Variants in ELP4 observed in about 807,000 individuals in gnomAD.
ELP4 encodes elongator acetyltransferase complex subunit 4, also known as elongator complex protein 4.
In ELP4, 51 loss-of-function variants were observed where a neutral mutation model predicts 48.9. The ratio of observed to expected loss-of-function variants is 1.04; its 90% CI spans 0.83 to 1.32. The LOEUF is 1.32. Among genes scored for constraint, ELP4 ranks in the 40% most tolerant of loss-of-function variants. The pLI, the probability that ELP4 is intolerant of heterozygous loss-of-function variation, is 0.00. For synonymous variants in ELP4, 210 were observed against 189.2 expected (o/e 1.11, Z -0.90); for missense variants, 519 against 514.6 (o/e 1.01, Z -0.08).
intron 9 of ELP4, among the ~76,000 whole-genome samples, chr11:31,764,589 TG>T (rs1304321989): frequency 6.6e-6 from 1 of 152,188 alleles, no homozygotes; most frequent in African/African-American, 2.4e-5. Context: ...TTCACTCTTT[TG>T]TAAGGAAAAT....
intron 9 of ELP4, among the ~76,000 whole-genome samples, chr11:31,779,008 T>C (rs1948309470): frequency 2.0e-5 from 3 of 152,072 alleles, no homozygotes; most frequent in African/African-American, 7.2e-5. Context: ...ACCCCGTGCC[T>C]GGCAAGTTTT....
At chr11:31,776,152 CAAAAAAA>C (rs371572032) in intron 9 of ELP4, among the ~76,000 whole-genome samples, 3 of 51,720 alleles carry the variant, frequency 5.8e-5, no homozygotes, top group South Asian at 9.1e-4. Flanking sequence ...CCCTATCTCA[CAAAAAAA>C]AAAAAAAAAA....
intron 9 of ELP4, among the ~76,000 whole-genome samples, chr11:31,695,695 G>A (rs1398683200): frequency 1.3e-5 from 2 of 149,936 alleles, no homozygotes; most frequent in Non-Finnish European, 1.5e-5. Context: ...ATGAGTTAGG[G>A]AGAATTTCCT....
At chr11:31,546,009 G>A (rs1362908523) in intron 3 of ELP4, among the ~76,000 whole-genome samples, 8 of 151,980 alleles carry the variant, frequency 5.3e-5, no homozygotes, top group East Asian at 1.9e-4. Flanking sequence ...AGGAACAACC[G>A]GTACCAGCTG....
chr11:31,528,688 A>G (rs1444088833), intron 2 of ELP4, among the ~76,000 whole-genome samples: 1 of 152,130 alleles, frequency 6.6e-6, no homozygotes, highest in Non-Finnish European at 1.5e-5. Context: ...CCAGATTTTT[A>G]TCCTGGGAAA....
intron 4 of ELP4, among the ~76,000 whole-genome samples, chr11:31,602,260 C>T (rs554428195): frequency 2.6e-5 from 4 of 151,898 alleles, no homozygotes; most frequent in East Asian, 1.9e-4. Context: ...AACTATAATC[C>T]GGATAAAGAA....
chr11:31,576,202 G>A (rs1957275553), intron 3 of ELP4, among the ~76,000 whole-genome samples: 1 of 152,164 alleles, frequency 6.6e-6, no homozygotes, highest in Non-Finnish European at 1.5e-5. Flanking sequence ...GAAGGCCATT[G>A]CATAACGGTA....
chr11:31,695,818 G>GTTA (rs1430764904), intron 9 of ELP4, among the ~76,000 whole-genome samples: 1 of 115,204 alleles, frequency 8.7e-6, no homozygotes, highest in Non-Finnish European at 1.8e-5. Flanking sequence ...TGGTTGGTAA[G>GTTA]CTATTGATTA....
intron 3 of ELP4, among the ~76,000 whole-genome samples, chr11:31,564,953 C>T (rs1041678165): frequency 6.6e-6 from 1 of 152,216 alleles, no homozygotes; most frequent in Non-Finnish European, 1.5e-5. Flanking sequence ...AATCGCCACA[C>T]TGTCTTCCAC....
At chr11:31,760,952 A>G (rs971198225) in intron 9 of ELP4, among the ~76,000 whole-genome samples, 2 of 152,236 alleles carry the variant, frequency 1.3e-5, no homozygotes, top group African/African-American at 2.4e-5. Context: ...AGAGTAAGGA[A>G]CTATGGGGCT....
At chr11:31,592,346 C>G (rs1217099413) in intron 3 of ELP4, among the ~76,000 whole-genome samples, 1 of 151,926 alleles carries the variant, frequency 6.6e-6, no homozygotes, top group Non-Finnish European at 1.5e-5. Flanking sequence ...GAGTTCAACA[C>G]CAGCCTGGGC....
chr11:31,580,414 G>T (rs1592135391), intron 3 of ELP4, among the ~76,000 whole-genome samples: 1 of 152,124 alleles, frequency 6.6e-6, no homozygotes, highest in Admixed American at 6.6e-5. Context: ...TAAGTTTGGG[G>T]TTGGTGGGTA....
intron 8 of ELP4, 30 bp from the exon 9 acceptor site, chr11:31,650,084 AT>A (rs750531808): frequency 2.4e-5 from 22 of 924,542 alleles, no homozygotes; most frequent in Middle Eastern, 2.2e-4. Flanking sequence ...AATGTTTTAA[AT>A]TTTTTTTCTT....
intron 2 of ELP4, among the ~76,000 whole-genome samples, chr11:31,533,404 G>A (rs539929106): frequency 5.1e-5 from 3 of 58,940 alleles, no homozygotes; most frequent in African/African-American, 2.5e-4. Flanking sequence ...TTGTGACAGA[G>A]TCTCGCTCTT....
intron 9 of ELP4, among the ~76,000 whole-genome samples, chr11:31,677,707 A>C (rs935344409): frequency 1.3e-5 from 2 of 152,226 alleles, no homozygotes; most frequent in African/African-American, 4.8e-5. Flanking sequence ...CTTTTTAAAG[A>C]GTTTTTAAAA....
At chr11:31,572,826 C>G (rs957653592) in intron 3 of ELP4, among the ~76,000 whole-genome samples, 30 of 152,202 alleles carry the variant, frequency 2.0e-4, no homozygotes, top group Non-Finnish European at 3.1e-4. Flanking sequence ...TATAGCAAGA[C>G]ACCATCTCTA....
chr11:31,526,157 T>C (rs1956290760), intron 2 of ELP4, among the ~76,000 whole-genome samples: 2 of 152,130 alleles, frequency 1.3e-5, no homozygotes, highest in African/African-American at 4.8e-5. Flanking sequence ...GTCTTTATTT[T>C]ATAGGTAATG....
At chr11:31,602,909 G>A (rs999385725) in intron 4 of ELP4, among the ~76,000 whole-genome samples, 1 of 151,758 alleles carries the variant, frequency 6.6e-6, no homozygotes, top group South Asian at 2.1e-4. Flanking sequence ...TTCAATTTTG[G>A]ATAGTGATGT....
chr11:31,633,153 TTATAA>T (rs1944900428), intron 7 of ELP4: 1 of 152,128 alleles, frequency 6.6e-6, no homozygotes, highest in East Asian at 1.9e-4. Context: ...TATTGAATCT[TTATAA>T]AGTTATGTAA....
Sources: gnomAD v4.1 joint callset for allele counts (sites outside exome capture counted in the v4.1 genomes callset) on GRCh38, gnomAD v4.1.1 for gene constraint, MANE v1.5 for transcripts, NCBI Gene and HGNC (gene_info 2026-07-23, HGNC 2026-07-21) for gene names.